RELN: variants seen among roughly 807,000 people sequenced by gnomAD.
RELN encodes reelin.
Under a neutral mutation model 427.6 loss-of-function variants are expected in RELN, and 108 were observed. The ratio of observed to expected loss-of-function variants is 0.25; its 90% CI spans 0.22 to 0.30. The LOEUF is 0.30. RELN is among the 10% of genes least tolerant of loss of function. RELN has a pLI of 1.00. For missense variants in RELN, 3,715 were observed against 4,302.8 expected (o/e 0.86, Z 3.82); for synonymous variants, 1,524 against 1,513.4 (o/e 1.01, Z -0.16).
chr7:103,889,317 G>A (rs189753810), intron 2 of RELN, among the ~76,000 whole-genome samples: 31 of 152,198 alleles, frequency 2.0e-4, no homozygotes, highest in African/African-American at 7.5e-4. Context: ...TTCATGGCAA[G>A]AAGTTGGCCA....
At chr7:103,868,886 A>G (rs1563060623) in intron 2 of RELN, among the ~76,000 whole-genome samples, 1 of 152,064 alleles carries the variant, frequency 6.6e-6, no homozygotes, top group Non-Finnish European at 1.5e-5. Context: ...GTTTTTATAC[A>G]TATTGTTTGC....
At chr7:103,900,655 T>C (rs10246374) in intron 2 of RELN, among the ~76,000 whole-genome samples, 19,542 of 151,970 alleles carry the variant, frequency 0.13, 1,579 homozygotes, top group East Asian at 0.32. Flanking sequence ...TACAGACCAA[T>C]GAAACACAAC....
chr7:103,653,473 C>T (rs1204943794), intron 13 of RELN, among the ~76,000 whole-genome samples: 2 of 151,994 alleles, frequency 1.3e-5, no homozygotes, highest in African/African-American at 2.4e-5. Context: ...ACTTAGGGTA[C>T]CATCAGTGCA....
At position 103,569,219 on chromosome 7, in the gene RELN, G is replaced by C. The variant is rs1420138312; in HGVS notation, c.4589-2460C>G. 6.6e-6 allele frequency among the ~76,000 whole-genome samples: 1 copy of C among 152,204 alleles called. No individual in the cohort carries two copies. Among genetic ancestry groups the C allele is most frequent in the Non-Finnish European group, 1.5e-5 (1 of 68,044 alleles). ...GGACAGGTCTACAGAGTGAGAAACT[G>C]AAACCTCTTGCCAACAGCAGAGAAG... On this transcript the variant is annotated intron_variant, in intron 31 of 64. Transcript: ENST00000428762. This position sits in a 1 kb window ranked among gnomAD's most constrained non-coding sequence, Gnocchi z 4.0.
At chr7:103,819,423 G>T (rs1313937165) in intron 3 of RELN, among the ~76,000 whole-genome samples, 7 of 152,078 alleles carry the variant, frequency 4.6e-5, no homozygotes, top group Non-Finnish European at 7.4e-5. Context: ...TGGTAGTGGG[G>T]TAAGTATATA....
At chr7:103,897,574 A>T (rs1794989332) in intron 2 of RELN, among the ~76,000 whole-genome samples, 2 of 152,092 alleles carry the variant, frequency 1.3e-5, no homozygotes, top group Non-Finnish European at 2.9e-5. Flanking sequence ...AGTTGTTTAT[A>T]TACAAAACTA....
rs1411953952 is a variant in RELN, at chr7:103,472,367, T to TA, written c.*444dup. On this transcript the variant is annotated 3_prime_UTR_variant, in exon 65 of 65. Transcript: ENST00000428762. ...GTGTTGTATTGTAGAAGAGAATACATAAAGGACAAACAATGATAATTTAAT... is the reference window on the plus strand; with the variant it reads ...GTGTTGTATTGTAGAAGAGAATACATAAAAGGACAAACAATGATAATTTAAT... 1.4e-5 allele frequency: 3 copies of TA among 213,488 alleles called. No individual in the cohort carries two copies. Among genetic ancestry groups the TA allele is most frequent in the African/African-American group, 7.0e-5 (3 of 42,624 alleles). The allele number at this position is 213,488 out of a possible 1,614,324, so 13.2% of individuals were successfully genotyped here. A position where few individuals can be genotyped will look rare whatever the true frequency, so the allele number is the denominator to read the frequency against.
chr7:103,830,353 C>T (rs916044438), intron 3 of RELN, among the ~76,000 whole-genome samples: 1 of 151,694 alleles, frequency 6.6e-6, no homozygotes, highest in African/African-American at 2.4e-5. Flanking sequence ...TATGAGTTAA[C>T]TAGTAATATC....
chr7:103,858,415 A>G (rs931263740), intron 2 of RELN, among the ~76,000 whole-genome samples: 4 of 152,284 alleles, frequency 2.6e-5, no homozygotes, highest in Non-Finnish European at 5.9e-5. Context: ...TTGACATGGT[A>G]GTTGTATTAT....
In RELN at chr7:103,566,379, A is replaced by G; in HGVS notation, c.4781T>C (p.Val1594Ala). ...KHSAQWALDD[V>A]LIGMNDSSQT... The stretch of plus-strand genomic sequence containing the variant: ...AGAGCTGTCATTCATTCCTATAAGA[A>G]CATCATCCAAAGCCCACTGGGCTGA... Residue 1594 changes from valine to alanine, a missense_variant, in exon 33 of 65, where the codon GTT becomes GCT. Coordinates refer to ENST00000428762, the MANE Select transcript of RELN (RefSeq NM_005045.4). The G allele has an allele frequency of 6.2e-7, 1 of 1,614,150 alleles. No individual in the cohort carries two copies. Among genetic ancestry groups the G allele is most frequent in the Non-Finnish European group, 8.5e-7 (1 of 1,180,002 alleles).
Position 103,676,721 on chromosome 7 carries a change from G to A in RELN, c.1289+5395C>T, listed in dbSNP as rs376771022. ...ATACTATGCAGCCACAAAAAATGAT[G>A]AGTTCATGTCCTTTGTAGGGACACG... On this transcript the variant is annotated intron_variant, in intron 11 of 64. Coordinates refer to ENST00000428762, the MANE Select transcript of RELN (RefSeq NM_005045.4). 9.2e-5 allele frequency among the ~76,000 whole-genome samples: 14 copies of A among 152,062 alleles called. No individual in the cohort carries two copies. The East Asian group carries it at 2.5e-3, about 27-fold the overall frequency.
In RELN at chr7:103,510,913, G is replaced by A. The variant is rs202166176; in HGVS notation, c.8212C>T (p.Arg2738Trp). ...TCATGGGTCACTGCATACACCTCCC[G>A]TCCATCATGACTGCCACAGAGCATC... ...GVMLCGSHDG[R>W]EVYAVTHDLT... The change falls in exon 51 of 65, where the codon CGG (arginine) becomes TGG (tryptophan). Residue 2738 changes from arginine to tryptophan, a missense_variant. Arg to Trp is a moderately radical substitution (Grantham distance 101, BLOSUM62 -3). Around this residue, in one of 4 missense-constraint regions of RELN, gnomAD observed 1,310 missense variants for 1,643.0 expected, o/e 0.80. Transcript: ENST00000428762. 1.1e-4 allele frequency: 171 copies of A among 1,612,890 alleles called. 1 individual carries two copies. The highest frequency in any genetic ancestry group is 3.7e-4 in the Admixed American group (22 of 59,966).
intron 24 of RELN, among the ~76,000 whole-genome samples, chr7:103,602,897 T>G (rs184182210): frequency 9.1e-4 from 138 of 152,268 alleles, no homozygotes; most frequent in Middle Eastern, 3.4e-3. Flanking sequence ...CCAGAGTTGC[T>G]GCCCATAACC....
chr7:103,868,768 G>C (rs946429670), intron 2 of RELN, among the ~76,000 whole-genome samples: 2 of 151,970 alleles, frequency 1.3e-5, no homozygotes, highest in Non-Finnish European at 2.9e-5. Flanking sequence ...TGTTATTTAG[G>C]ATCACTTTTT....
chr7:103,710,126 C>T (rs1357617304), intron 8 of RELN, among the ~76,000 whole-genome samples: 1 of 152,200 alleles, frequency 6.6e-6, no homozygotes, highest in Admixed American at 6.5e-5. Flanking sequence ...GATGAAGCTT[C>T]GGCTTCATGG....
chr7:103,565,846 T>C (rs1384306410), intron 33 of RELN, among the ~76,000 whole-genome samples: 1 of 152,232 alleles, frequency 6.6e-6, no homozygotes, highest in Non-Finnish European at 1.5e-5. Flanking sequence ...TGTGATATTT[T>C]GATACATTTA....
chr7:103,949,229 C>T (rs897942497), intron 1 of RELN, among the ~76,000 whole-genome samples: 1 of 151,824 alleles, frequency 6.6e-6, no homozygotes, highest in Admixed American at 6.6e-5. Context: ...CAAATCTCTA[C>T]TGAAAGAAAA....
intron 60 of RELN, among the ~76,000 whole-genome samples, chr7:103,487,409 A>C (rs1325285447): frequency 1.3e-5 from 2 of 151,364 alleles, no homozygotes; most frequent in African/African-American, 4.9e-5. Flanking sequence ...TAGAAAAAAA[A>C]AAAGAGAAAT....
chr7:103,738,023 C>T (rs1052843729), intron 6 of RELN, among the ~76,000 whole-genome samples: 6 of 151,366 alleles, frequency 4.0e-5, no homozygotes, highest in African/African-American at 1.5e-4. Flanking sequence ...AGGAGTAACT[C>T]CTGTTCTTCC....
Sources: gnomAD v4.1 joint callset for allele counts (sites outside exome capture counted in the v4.1 genomes callset) on GRCh38, gnomAD v4.1.1 for gene constraint, gnomAD v4.1.1 regional missense constraint, Gnocchi (gnomAD v3.1) non-coding constraint, MANE v1.5 for transcripts, NCBI Gene and HGNC (gene_info 2026-07-23, HGNC 2026-07-21) for gene names.